Variants in DAG1 observed in about 807,000 individuals in gnomAD.
DAG1 encodes the protein dystroglycan 1.
A neutral mutation model predicts 46.1 loss-of-function variants in DAG1; 8 were observed. The ratio of observed to expected loss-of-function variants is 0.17; its 90% confidence interval spans 0.10 to 0.31. The LOEUF is 0.31. Ranked by LOEUF, DAG1 falls within the 10% of genes least tolerant of loss-of-function variation. The probability of loss-of-function intolerance (pLI) is 1.00; values close to 1 mark genes in which losing one functional copy is unlikely to be tolerated. For synonymous variants in DAG1, 495 were observed against 481.8 expected (o/e 1.03, Z -0.36); for missense variants, 1,003 against 1,189.9 (o/e 0.84, Z 2.31).
At chr3:49,487,040 C>A (rs1437972101) in intron 1 of DAG1, among the ~76,000 whole-genome samples, 1 of 151,984 alleles carries the variant, frequency 6.6e-6, no homozygotes, top group Non-Finnish European at 1.5e-5. Flanking sequence ...CAGGCGTGTG[C>A]CATGCCTGGC....
rs1311503993 is a variant in DAG1 at position 49,533,780 on chromosome 3, G to GT, written c.*584dup. 4.6e-6 allele frequency: 1 copy of GT among 218,718 alleles called. No homozygotes were observed. The highest frequency in any genetic ancestry group is 2.4e-5 in the African/African-American group (1 of 42,356). The allele number at this position is 218,718 out of a possible 1,614,324, so 13.5% of individuals were successfully genotyped here. On this transcript the variant is annotated 3_prime_UTR_variant, in exon 3 of 3. Transcript: ENST00000308775. ...TTTGCTAAAAATAAGCTCCCAGGGT[G>GT]TTTCAAACTTAGAGAAGACCAAGGG...
intron 1 of DAG1, among the ~76,000 whole-genome samples, chr3:49,491,782 G>A (rs943812895): frequency 1.3e-5 from 2 of 151,534 alleles, no homozygotes; most frequent in African/African-American, 4.8e-5. Flanking sequence ...GGCCTGTCCT[G>A]CTATTTTTGT....
chr3:49,526,529 C>T (rs1339769425), intron 2 of DAG1, among the ~76,000 whole-genome samples: 6 of 151,738 alleles, frequency 4.0e-5, no homozygotes, highest in East Asian at 3.9e-4. Flanking sequence ...GGCAACATGG[C>T]GAAATCCCAT....
chr3:49,488,125 A>G (rs1309705393), intron 1 of DAG1, among the ~76,000 whole-genome samples: 1 of 152,120 alleles, frequency 6.6e-6, no homozygotes, highest in Admixed American at 6.6e-5. Context: ...ATTCTGGCTA[A>G]CTATTAAGTA....
rs1275406124 is a variant in DAG1, at chr3:49,480,838, T to C, written c.-117+10405T>C. Among the ~76,000 whole-genome samples the C allele has an allele frequency of 2.3e-5, 3 of 128,518 alleles. No homozygotes were observed. In the East Asian group the frequency reaches 6.7e-4, roughly 29 times the overall value. 84.3% of individuals were successfully genotyped at this position (128,518 alleles called of 152,430 possible). A position where few individuals can be genotyped will look rare whatever the true frequency, so the allele number is the denominator to read the frequency against. On this transcript the variant is annotated intron_variant, in intron 1 of 2. Coordinates refer to ENST00000308775, the MANE Select transcript of DAG1 (RefSeq NM_004393.6). ...GTGCAGTGGCACGATCTCGGCTCAC[T>C]GCAAGCTCCGCCTCCCGGGTTCACG...
intron 2 of DAG1, among the ~76,000 whole-genome samples, chr3:49,523,461 C>G (rs1013344593): frequency 1.3e-5 from 2 of 152,142 alleles, no homozygotes; most frequent in African/African-American, 4.8e-5. Context: ...CCCCATGCCC[C>G]TTAGTGTTTT....
chr3:49,487,764 A>G (rs2050076818), intron 1 of DAG1, among the ~76,000 whole-genome samples: 1 of 131,292 alleles, frequency 7.6e-6, no homozygotes, highest in Admixed American at 9.2e-5. Context: ...CAGTGGCGTG[A>G]TCTCGGCTCA....
chr3:49,528,306 A>G (rs1575407451), intron 2 of DAG1, among the ~76,000 whole-genome samples: 6 of 34,770 alleles, frequency 1.7e-4, no homozygotes, highest in African/African-American at 5.1e-4. Context: ...TTTTTTTGGG[A>G]CAGAGTCTCA....
At chr3:49,516,115 C>CTTGG (rs1171951166) in intron 2 of DAG1, among the ~76,000 whole-genome samples, 3 of 152,200 alleles carry the variant, frequency 2.0e-5, no homozygotes, top group Admixed American at 1.3e-4. Flanking sequence ...TCAGGCTCAA[C>CTTGG]TTGGACATCA....
chr3:49,492,147 G>T (rs916163590), intron 1 of DAG1, among the ~76,000 whole-genome samples: 1 of 151,086 alleles, frequency 6.6e-6, no homozygotes, highest in Admixed American at 6.6e-5. Context: ...GGCTGTTCTC[G>T]AACTCCTGGC....
intron 1 of DAG1, among the ~76,000 whole-genome samples, chr3:49,479,942 A>G (rs1470572393): frequency 9.0e-6 from 1 of 111,538 alleles, no homozygotes; most frequent in Non-Finnish European, 1.8e-5. Context: ...GCCAGCCTGA[A>G]TATAACATTC....
Position 49,533,044 on chromosome 3 carries a change from G to A in DAG1, c.2533G>A (p.Asp845Asn). Residue 845 changes from aspartate to asparagine, a missense_variant, in exon 3 of 3, where the codon GAC becomes AAC. Asp to Asn is a conservative substitution (Grantham distance 23, BLOSUM62 1). Transcript: ENST00000308775. ...GCCCGAGACCACTCCTCTGAACCAG[G>A]ACACCATGGGAGAGTACACGCCCCT... ...SVPETTPLNQ[D>N]TMGEYTPLRD... is the part of the protein sequence containing the mutation. The A allele has an allele frequency of 1.2e-6, 2 of 1,614,110 alleles. No individual in the cohort carries two copies. The highest frequency in any genetic ancestry group is 1.1e-5 in the South Asian group (1 of 91,082).
Position 49,505,340 on chromosome 3 carries a change from G to A in DAG1, c.-116-5079G>A, listed in dbSNP as rs146790316. On this transcript the variant is annotated intron_variant, in intron 1 of 2. Coordinates refer to ENST00000308775, the MANE Select transcript of DAG1 (RefSeq NM_004393.6). ...TGGTGTCAAACTCCTGGGTTCCTCC[G>A]TCAGCCTCTTGCGTAGCTGGGATCA... Among the ~76,000 whole-genome samples the A allele has an allele frequency of 4.8e-3, 729 of 151,916 alleles. 7 individuals are homozygous for A. Among genetic ancestry groups the A allele is most frequent in the African/African-American group, 0.017 (688 of 41,424 alleles).
intron 2 of DAG1, among the ~76,000 whole-genome samples, chr3:49,526,997 T>C (rs2051189927): frequency 6.6e-6 from 1 of 152,238 alleles, no homozygotes; most frequent in Admixed American, 6.5e-5. Context: ...CTGTAGGAAC[T>C]GCCTGATAGC....
intron 2 of DAG1, among the ~76,000 whole-genome samples, chr3:49,523,060 C>T (rs1431623852): frequency 1.3e-5 from 2 of 152,156 alleles, no homozygotes; most frequent in African/African-American, 4.8e-5. Flanking sequence ...GCCTCTGTGC[C>T]TCTGCTGCTA....
intron 1 of DAG1, chr3:49,471,185 G>GTCA (rs777391795): frequency 6.6e-6 from 1 of 152,184 alleles, no homozygotes; most frequent in Non-Finnish European, 1.5e-5. Flanking sequence ...GACTGGTTGA[G>GTCA]GCAAGAGCCT....
chr3:49,506,990 G>T (rs115970881), intron 1 of DAG1, among the ~76,000 whole-genome samples: 2,000 of 151,266 alleles, frequency 0.013, 37 homozygotes, highest in Non-Finnish European at 0.014. Context: ...TAAGTAAAAA[G>T]TTAAATAAAG....
chr3:49,532,903 A>G lies in DAG1; in HGVS notation c.2392A>G (p.Ile798Val), dbSNP rs1290898131. 2.5e-6 allele frequency: 4 copies of G among 1,614,008 alleles called. No individual in the cohort carries two copies. The highest frequency in any genetic ancestry group is 3.4e-6 in the Non-Finnish European group (4 of 1,180,032). The change falls in exon 3 of 3, where the codon ATC becomes GTC. Residue 798 changes from isoleucine (I) to valine (V), a missense_variant. By Grantham distance (29) the Ile-to-Val change is conservative. This residue lies in a region of DAG1 where 755 missense variants were observed against 854.1 expected (regional missense o/e 0.88). Transcript: ENST00000308775. The surrounding 1 kb of genome is among the most constrained non-coding windows in gnomAD (Gnocchi z 5.4). ...QATFIKKGVP[I>V]IFADELDDSK... ...CACCTTCATCAAGAAGGGGGTGCCT[A>G]TCATCTTTGCAGACGAACTGGACGA... is the stretch of plus-strand genomic sequence containing the variant.
chr3:49,495,060 C>T (rs973934604), intron 1 of DAG1, among the ~76,000 whole-genome samples: 4 of 152,124 alleles, frequency 2.6e-5, no homozygotes, highest in African/African-American at 7.2e-5. Context: ...GCTGTCAAGA[C>T]CCCTGCAGTG....
Sources: allele counts gnomAD v4.1 joint callset (sites outside exome capture counted in the v4.1 genomes callset), GRCh38; gene constraint gnomAD v4.1.1; regional missense constraint gnomAD v4.1.1; non-coding constraint Gnocchi (gnomAD v3.1); transcripts MANE v1.5; gene names NCBI Gene and HGNC (gene_info 2026-07-23, HGNC 2026-07-21).